The following CXCL12 variants were observed in gnomAD, a reference collection of about 807,000 sequenced individuals.
The protein encoded by CXCL12 is C-X-C motif chemokine ligand 12.
Under a neutral mutation model 10.7 loss-of-function variants are expected in CXCL12, and 4 were observed. The observed-to-expected ratio is 0.37, with a 90% CI of 0.18 to 0.86. The LOEUF (loss-of-function observed/expected upper bound fraction) is 0.86. Ranked by LOEUF, CXCL12 falls within the 40% of genes least tolerant of loss-of-function variation. The pLI, the probability that CXCL12 is intolerant of heterozygous loss-of-function variation, is 0.43. For missense variants in CXCL12, 122 were observed against 110.4 expected, an observed-to-expected ratio of 1.10 and a Z score of -0.47; for synonymous variants, 54 against 45.4, an observed-to-expected ratio of 1.19 and a Z score of -0.77.
In CXCL12 at chr10:44,377,523, C is replaced by A. The variant is rs1242459814; in HGVS notation, c.*1110G>T. 5 of 1,409,750 alleles carry A rather than the reference C, an allele frequency of 3.5e-6. No homozygotes were observed. The highest frequency in any genetic ancestry group is 3.0e-5 in the South Asian group (2 of 66,126). The allele number at this position is 1,409,750 out of a possible 1,614,324, so 87.3% of individuals were successfully genotyped here. On this transcript the variant is annotated 3_prime_UTR_variant, in exon 3 of 3. Coordinates refer to ENST00000343575, the MANE Select transcript of CXCL12 (RefSeq NM_199168.4). ...ACCTTGCCAACAGTTCTGATTGGAACCTGAAACCCTGCTGTGGCTTCAGGA... is the reference window on the plus strand; with the variant it reads ...ACCTTGCCAACAGTTCTGATTGGAAACTGAAACCCTGCTGTGGCTTCAGGA...
rs1316740421 is a variant in CXCL12, at chr10:44,377,826, G to C, written c.*807C>G. On this transcript the variant is annotated 3_prime_UTR_variant, in exon 3 of 3. Transcript: ENST00000343575. ...ATCTCACAGAGGGCCCGAGCTGTGG[G>C]GCAGGCCCTGGGAGGAGAGGGATGC... The C allele has an allele frequency of 6.3e-7, 1 of 1,596,288 alleles. No homozygotes were observed.
downstream of CXCL12, among the ~76,000 whole-genome samples, chr10:44,376,722 C>T (rs1160306198): frequency 6.6e-6 from 1 of 152,034 alleles, no homozygotes; most frequent in African/African-American, 2.4e-5. Flanking sequence ...CCTGTGAAAG[C>T]TTCATATTAA....
Position 44,378,208 on chromosome 10 carries a change from G to A in CXCL12, c.*425C>T, listed in dbSNP as rs1839516617. On this transcript the variant is annotated 3_prime_UTR_variant, in exon 3 of 3. Transcript: ENST00000343575. ...TTAAGCCACCACCTGACTGTGCCCA[G>A]ACTCCCCAGGGGAGCAGAGGAGATG... 1.4e-6 allele frequency: 2 copies of A among 1,438,470 alleles called. No individual in the cohort carries two copies. Among genetic ancestry groups the A allele is most frequent in the African/African-American group, 1.4e-5 (1 of 71,266 alleles). The allele number at this position is 1,438,470 out of a possible 1,614,324, so 89.1% of individuals were successfully genotyped here.
rs757207669 is a variant in CXCL12 at position 44,378,305 on chromosome 10, T to C, written c.*328A>G. 8 of 1,475,556 alleles carry C rather than the reference T, an allele frequency of 5.4e-6. No homozygotes were observed. The highest frequency in any genetic ancestry group is 7.3e-6 in the Non-Finnish European group (8 of 1,102,448). The allele number at this position is 1,475,556 out of a possible 1,614,324, so 91.4% of individuals were successfully genotyped here. A position where few individuals can be genotyped will look rare whatever the true frequency, so the allele number is the denominator to read the frequency against. On this transcript the variant is annotated 3_prime_UTR_variant, in exon 3 of 3. Coordinates refer to ENST00000343575, the MANE Select transcript of CXCL12 (RefSeq NM_199168.4). ...AAATGAGAATGAGAATGATGATGAT[T>C]GTGATGATCATGAAGGAACTAACTG...
downstream of CXCL12, chr10:44,371,410 A>G (rs1458266476): frequency 2.2e-6 from 1 of 448,866 alleles, no homozygotes; most frequent in Admixed American, 2.5e-5. Context: ...CTGGATAATG[A>G]CTGCCCCACT....
Position 44,378,556 on chromosome 10 carries a change from C to A in CXCL12, c.*77G>T. 1 of 1,608,008 alleles carries A rather than the reference C, an allele frequency of 6.2e-7. No individual in the cohort carries two copies. Among genetic ancestry groups the A allele is most frequent in the Non-Finnish European group, 8.5e-7 (1 of 1,176,368 alleles). On this transcript the variant is annotated 3_prime_UTR_variant, in exon 3 of 3. Coordinates refer to ENST00000343575, the MANE Select transcript of CXCL12 (RefSeq NM_199168.4). ...ATGGTTAAGGCCCCCTCCCCCACGTCTTTGCCCTTTCATCTCTCACAAGGT... is the reference window on the plus strand; with the variant it reads ...ATGGTTAAGGCCCCCTCCCCCACGTATTTGCCCTTTCATCTCTCACAAGGT...
downstream of CXCL12, chr10:44,374,493 C>G (rs767433362): frequency 1.8e-5 from 8 of 455,956 alleles, no homozygotes; most frequent in South Asian, 1.2e-4. Context: ...GTACCCAGGG[C>G]TCAGGCCTGT....
chr10:44,378,770 C>A, intron 2 of CXCL12, 47 bp from the exon 3 acceptor site: 1 of 1,595,408 alleles, frequency 6.3e-7, no homozygotes, highest in African/African-American at 1.3e-5. Flanking sequence ...AGGAGGAAGG[C>A]GCGGCTGCAA....
downstream of CXCL12, chr10:44,373,049 C>T: frequency 6.5e-7 from 1 of 1,536,132 alleles, no homozygotes; most frequent in Non-Finnish European, 8.7e-7. Flanking sequence ...AGAGGAGTGG[C>T]TCCGTGGAAA....
Position 44,377,304 on chromosome 10 carries a change from T to G in CXCL12, c.*1329A>C. 2 of 1,018,538 alleles carry G rather than the reference T, an allele frequency of 2.0e-6. No homozygotes were observed. The highest frequency in any genetic ancestry group is 2.4e-6 in the Non-Finnish European group (2 of 849,718). 63.1% of individuals were successfully genotyped at this position (1,018,538 alleles called of 1,614,324 possible). A position where few individuals can be genotyped will look rare whatever the true frequency, so the allele number is the denominator to read the frequency against. ...AGTAGTTTGAGATAATAGAGAAGTA[T>G]AAACTACTGACATTCATATGGCTCC... On this transcript the variant is annotated 3_prime_UTR_variant, in exon 3 of 3. Transcript: ENST00000343575.
downstream of CXCL12, chr10:44,372,833 G>C: frequency 6.6e-7 from 1 of 1,505,686 alleles, no homozygotes; most frequent in Non-Finnish European, 8.8e-7. Context: ...ATGGAGAAGG[G>C]GGTGAGCCTC....
rs1245106366 is a variant in CXCL12, at chr10:44,377,899, G to T, written c.*734C>A. 1 of 1,563,620 alleles carries T rather than the reference G, an allele frequency of 6.4e-7. No homozygotes were observed. The highest frequency in any genetic ancestry group is 1.8e-5 in the Admixed American group (1 of 54,250). ...CCCTCTTCCCGGCTGGTGCGGCGCT[G>T]ATCAGGCTACAGAAATGAGAAGCAG... On this transcript the variant is annotated 3_prime_UTR_variant, in exon 3 of 3. Coordinates refer to ENST00000343575, the MANE Select transcript of CXCL12 (RefSeq NM_199168.4).
chr10:44,380,537 A>C, intron 2 of CXCL12: 1 of 539,362 alleles, frequency 1.9e-6, no homozygotes, highest in Non-Finnish European at 3.3e-6. Context: ...AGAGAGAACT[A>C]CTACGAGCAC....
chr10:44,374,625 C>T, downstream of CXCL12: 1 of 456,046 alleles, frequency 2.2e-6, no homozygotes, highest in Non-Finnish European at 4.4e-6. Context: ...GAGGAGAAGG[C>T]ATGGCTGTGA....
chr10:44,380,539 T>C (rs1839599344), intron 2 of CXCL12: 16 of 544,488 alleles, frequency 2.9e-5, no homozygotes, highest in Non-Finnish European at 3.6e-5. Context: ...AGAGAACTAC[T>C]ACGAGCACAG....
chr10:44,371,310 C>T, downstream of CXCL12: 1 of 452,826 alleles, frequency 2.2e-6, no homozygotes, highest in Non-Finnish European at 4.4e-6. Flanking sequence ...TGTTTGTTTC[C>T]TCAACCAAGA....
Position 44,378,061 on chromosome 10 carries a change from G to A in CXCL12, c.*572C>T. 6.8e-7 allele frequency: 1 copy of A among 1,470,498 alleles called. No homozygotes were observed. Among genetic ancestry groups the A allele is most frequent in the Non-Finnish European group, 8.9e-7 (1 of 1,120,886 alleles). 91.1% of individuals were successfully genotyped at this position (1,470,498 alleles called of 1,614,324 possible). ...AATCACTGAGGTTGAAAGAGGAGGT[G>A]AAGGCAGTGGCGGCGCCCAGCCCCA... On this transcript the variant is annotated 3_prime_UTR_variant, in exon 3 of 3. Transcript: ENST00000343575.
At chr10:44,378,949 C>T (rs191962785) in intron 2 of CXCL12, among the ~76,000 whole-genome samples, 39 of 152,096 alleles carry the variant, frequency 2.6e-4, no homozygotes, top group Non-Finnish European at 3.7e-4. Context: ...GAAGTCTTTC[C>T]GGGGCAGTGC....
chr10:44,380,592 G>C, intron 2 of CXCL12, 171 bp downstream of exon 2: 1 of 666,640 alleles, frequency 1.5e-6, no homozygotes, highest in South Asian at 1.8e-5. Flanking sequence ...TTAATGCCTG[G>C]TGGCATACTA....
Sources: gnomAD v4.1 joint callset for allele counts (sites outside exome capture counted in the v4.1 genomes callset) on GRCh38, gnomAD v4.1.1 for gene constraint, MANE v1.5 for transcripts, NCBI Gene and HGNC (gene_info 2026-07-23, HGNC 2026-07-21) for gene names.